The following ORC3 variants were observed in gnomAD, a reference collection of about 807,000 sequenced individuals.
ORC3 encodes origin recognition complex subunit 3.
Under a neutral mutation model 100.7 loss-of-function variants are expected in ORC3, and 78 were observed. That is an observed-to-expected ratio of 0.77 (90% confidence interval 0.65 to 0.94). The LOEUF (loss-of-function observed/expected upper bound fraction) is 0.94. ORC3 is among the 40% of genes least tolerant of loss of function. The probability of loss-of-function intolerance (pLI) is 0.00; values close to 1 mark genes in which losing one functional copy is unlikely to be tolerated. For synonymous variants in ORC3, 295 were observed against 289.3 expected (o/e 1.02, Z -0.20); for missense variants, 789 against 823.9 (o/e 0.96, Z 0.52).
At chr6:87,642,216 C>T (rs1768318606) in intron 13 of ORC3, among the ~76,000 whole-genome samples, 1 of 151,916 alleles carries the variant, frequency 6.6e-6, no homozygotes, top group Non-Finnish European at 1.5e-5. Flanking sequence ...CACTTCAGCC[C>T]AGGAGGTTGA....
chr6:87,620,175 C>T (rs1779436456), intron 9 of ORC3, among the ~76,000 whole-genome samples: 1 of 152,206 alleles, frequency 6.6e-6, no homozygotes, highest in Non-Finnish European at 1.5e-5. Flanking sequence ...TCCCATTCCT[C>T]TTCCGCAGCA....
intron 9 of ORC3, among the ~76,000 whole-genome samples, chr6:87,620,355 C>T (rs960096304): frequency 1.3e-5 from 2 of 152,180 alleles, no homozygotes; most frequent in Admixed American, 6.5e-5. Flanking sequence ...CTATTTTGTA[C>T]TTGTTTCTAA....
intron 14 of ORC3, among the ~76,000 whole-genome samples, chr6:87,655,143 G>C (rs190492319): frequency 6.6e-6 from 1 of 152,178 alleles, no homozygotes; most frequent in Admixed American, 6.5e-5. Context: ...TTACAGTTTG[G>C]GTTTAAAATT....
chr6:87,637,844 G>A (rs1168808479), intron 13 of ORC3, among the ~76,000 whole-genome samples: 1 of 152,184 alleles, frequency 6.6e-6, no homozygotes, highest in East Asian at 1.9e-4. Context: ...CTTATTGAAG[G>A]CTTGCTGTGT....
At chr6:87,655,539 G>T (rs981065144) in intron 14 of ORC3, among the ~76,000 whole-genome samples, 5 of 151,816 alleles carry the variant, frequency 3.3e-5, no homozygotes, top group Non-Finnish European at 5.9e-5. Context: ...TTTTTGTAGG[G>T]ATGGGGTTTT....
At chr6:87,621,515 A>C in intron 10 of ORC3, 28 bp downstream of exon 10, 1 of 1,502,872 alleles carries the variant, frequency 6.7e-7, no homozygotes, top group East Asian at 2.4e-5. Flanking sequence ...TGTTTAACAC[A>C]TACTATACTA....
intron 8 of ORC3, among the ~76,000 whole-genome samples, chr6:87,615,203 T>C (rs1194981943): frequency 6.6e-6 from 1 of 152,074 alleles, no homozygotes; most frequent in African/African-American, 2.4e-5. Flanking sequence ...TATAAAACCA[T>C]CAGGTTTCAT....
intron 8 of ORC3, among the ~76,000 whole-genome samples, chr6:87,615,354 C>G (rs1209948097): frequency 6.6e-6 from 1 of 152,130 alleles, no homozygotes; most frequent in Non-Finnish European, 1.5e-5. Context: ...TATCATTGAC[C>G]TTCCCCAAAT....
intron 13 of ORC3, among the ~76,000 whole-genome samples, chr6:87,652,444 C>T (rs1769352633): frequency 6.6e-6 from 1 of 152,222 alleles, no homozygotes; most frequent in Non-Finnish European, 1.5e-5. Context: ...GAATGAGCTA[C>T]TCAACCACTC....
At chr6:87,627,920 G>A (rs1780044274) in intron 11 of ORC3, among the ~76,000 whole-genome samples, 1 of 152,106 alleles carries the variant, frequency 6.6e-6, no homozygotes, top group African/African-American at 2.4e-5. Context: ...AATCTATTAA[G>A]TTCCCACCTA....
rs1387340806 is a variant in ORC3 at position 87,610,709 on chromosome 6, G to A, written c.714-1380G>A. ...GCTGGGACTACAGGCGCCCGCCACC[G>A]CGCCTGGCTAATTTTTTGTATTTTT... On this transcript the variant is annotated intron_variant, in intron 7 of 19. Coordinates refer to ENST00000392844, the MANE Select transcript of ORC3 (RefSeq NM_012381.4). Among the ~76,000 whole-genome samples, 65 of 145,410 alleles carry A rather than the reference G, an allele frequency of 4.5e-4. 1 individual carries two copies. Among genetic ancestry groups the A allele is most frequent in the Non-Finnish European group, 7.7e-4 (51 of 66,522 alleles).
At chr6:87,596,805 A>T (rs1777479168) in intron 2 of ORC3, among the ~76,000 whole-genome samples, 3 of 152,232 alleles carry the variant, frequency 2.0e-5, no homozygotes, top group African/African-American at 7.2e-5. Context: ...CCGGTTCTCA[A>T]TCATAGCTTC....
At chr6:87,609,445 A>AT (rs1778587971) in intron 7 of ORC3, 1 of 436,096 alleles carries the variant, frequency 2.3e-6, no homozygotes, top group Admixed American at 4.1e-5. Context: ...CCAGTTTTAA[A>AT]TTGACATGGT....
rs555724353 is a variant in ORC3, at chr6:87,597,738, G to T, written c.79+3331G>T. Reference sequence around the variant, plus strand: ...ATATATATAATTTTTTTTTAAAATAGAGATGGGATCTTACTATGTTGCCCA... The same window carrying T: ...ATATATATAATTTTTTTTTAAAATATAGATGGGATCTTACTATGTTGCCCA... On this transcript the variant is annotated intron_variant, in intron 2 of 19. Coordinates refer to ENST00000392844, the MANE Select transcript of ORC3 (RefSeq NM_012381.4). Among the ~76,000 whole-genome samples the T allele has an allele frequency of 3.5e-4, 52 of 150,388 alleles. 1 individual carries two copies. Among genetic ancestry groups the T allele is most frequent in the Non-Finnish European group, 2.7e-4 (18 of 67,750 alleles).
At chr6:87,666,992 C>T (rs773918995) in intron 19 of ORC3, 26 bp from the exon 20 acceptor site, 1 of 1,414,540 alleles carries the variant, frequency 7.1e-7, no homozygotes, top group Non-Finnish European at 9.8e-7. Flanking sequence ...TACAGCACGG[C>T]CAGTTTCCTT....
intron 3 of ORC3, 50 bp from the exon 4 acceptor site, chr6:87,603,334 C>T (rs1204545715): frequency 4.1e-6 from 4 of 983,662 alleles, no homozygotes; most frequent in Non-Finnish European, 5.7e-6. Flanking sequence ...CCAGGAAAGA[C>T]ATCAGATTAT....
intron 12 of ORC3, among the ~76,000 whole-genome samples, chr6:87,635,966 A>G (rs904729919): frequency 2.1e-5 from 3 of 143,532 alleles, no homozygotes; most frequent in African/African-American, 5.2e-5. Flanking sequence ...TTTTTTTGAG[A>G]CAGAGTCTCG....
At chr6:87,676,617 AC>A in the ORC3 span, among the ~76,000 whole-genome samples, 3 of 150,312 alleles carry the variant, frequency 2.0e-5, no homozygotes, top group African/African-American at 7.4e-5. Context: ...ACACACACAC[AC>A]ACACACACAA....
downstream of ORC3, among the ~76,000 whole-genome samples, chr6:87,668,445 A>G (rs1457585487): frequency 6.6e-6 from 1 of 152,236 alleles, no homozygotes; most frequent in Non-Finnish European, 1.5e-5. Context: ...AAAATGCTCC[A>G]GTGAGCATTT....
Sources: allele counts gnomAD v4.1 joint callset (sites outside exome capture counted in the v4.1 genomes callset), GRCh38; gene constraint gnomAD v4.1.1; transcripts MANE v1.5; gene names NCBI Gene and HGNC (gene_info 2026-07-23, HGNC 2026-07-21).